SUGCT: variants seen among roughly 807,000 people sequenced by gnomAD.
SUGCT encodes the protein succinyl-CoA:glutarate CoA-transferase.
Under a neutral mutation model 55.0 loss-of-function variants are expected in SUGCT, and 41 were observed. The ratio of observed to expected loss-of-function variants is 0.74; its 90% CI spans 0.58 to 0.97. The LOEUF (loss-of-function observed/expected upper bound fraction) is 0.97, where lower values mean the gene tolerates loss of function less well. SUGCT is among the 50% of genes least tolerant of loss of function. The pLI is 0.00. For missense variants in SUGCT, 568 were observed against 547.8 expected (o/e 1.04, Z -0.37); for synonymous variants, 187 against 200.4 (o/e 0.93, Z 0.56).
chr7:40,707,124 A>G (rs887740793), intron 12 of SUGCT, among the ~76,000 whole-genome samples: 1 of 152,066 alleles, frequency 6.6e-6, no homozygotes, highest in African/African-American at 2.4e-5. Context: ...TCGAATAGTG[A>G]CTCAGATTAC....
Position 40,597,475 on chromosome 7 carries a change from CA to C in SUGCT, c.1089+101090del, listed in dbSNP as rs575216974. Among the ~76,000 whole-genome samples, 75 of 152,264 alleles carry C rather than the reference CA, an allele frequency of 4.9e-4. No individual in the cohort carries two copies. The East Asian group carries it at 0.012, about 24-fold the overall frequency. On this transcript the variant is annotated intron_variant, in intron 12 of 13. Coordinates refer to ENST00000335693, the MANE Select transcript of SUGCT (RefSeq NM_001193313.2). ...TACAAGCTTGAGGTACAAATAAGGT[CA>C]TGTGGTAGTCATCAGTGCTGTTTAC... is the stretch of plus-strand genomic sequence containing the variant.
At chr7:40,152,891 G>A (rs1788653022) in intron 1 of SUGCT, 2 of 154,832 alleles carry the variant, frequency 1.3e-5, no homozygotes, top group African/African-American at 4.8e-5. Flanking sequence ...GTTTTTAGTA[G>A]AGACAGGGTT....
At chr7:40,627,464 C>G (rs1259636414) in intron 12 of SUGCT, among the ~76,000 whole-genome samples, 1 of 152,060 alleles carries the variant, frequency 6.6e-6, no homozygotes, top group Non-Finnish European at 1.5e-5. Context: ...CATTCCTACG[C>G]AAACATCTGA....
chr7:40,665,706 TGAG>T (rs1801593455), intron 12 of SUGCT, among the ~76,000 whole-genome samples: 1 of 151,550 alleles, frequency 6.6e-6, no homozygotes, highest in South Asian at 2.1e-4. Flanking sequence ...TGCAGCAGGT[TGAG>T]GAGTGGGGAT....
chr7:40,158,537 G>A (rs192109869), intron 1 of SUGCT, among the ~76,000 whole-genome samples: 1 of 152,326 alleles, frequency 6.6e-6, no homozygotes, highest in Admixed American at 6.5e-5. Context: ...GATCACCTGA[G>A]GTCAGAAGTT....
At chr7:40,333,481 AT>A (rs1336545235) in intron 9 of SUGCT, among the ~76,000 whole-genome samples, 1 of 150,424 alleles carries the variant, frequency 6.6e-6, no homozygotes, top group Non-Finnish European at 1.5e-5. Context: ...TACTAAAAAT[AT>A]GAAAATTAGC....
chr7:40,620,245 GC>G (rs1413623842), intron 12 of SUGCT, among the ~76,000 whole-genome samples: 1 of 152,118 alleles, frequency 6.6e-6, no homozygotes, highest in Non-Finnish European at 1.5e-5. Flanking sequence ...ACCCCAAAGA[GC>G]CATTTGTTAA....
intron 12 of SUGCT, among the ~76,000 whole-genome samples, chr7:40,567,992 A>G (rs1032464475): frequency 3.9e-5 from 6 of 152,218 alleles, no homozygotes; most frequent in Non-Finnish European, 8.8e-5. Flanking sequence ...GTCATTTTCA[A>G]AAGTCTTCAA....
chr7:40,715,513 T>C (rs1785974783), intron 12 of SUGCT, among the ~76,000 whole-genome samples: 1 of 151,988 alleles, frequency 6.6e-6, no homozygotes, highest in Non-Finnish European at 1.5e-5. Context: ...ACAAAAGAGC[T>C]CAATGTGTCT....
chr7:40,656,995 T>G (rs1801047830), intron 12 of SUGCT, among the ~76,000 whole-genome samples: 1 of 152,212 alleles, frequency 6.6e-6, no homozygotes. Flanking sequence ...GAAGTTTTTG[T>G]TGAGGGAATA....
At chr7:40,327,563 C>T (rs765000683) in intron 9 of SUGCT, among the ~76,000 whole-genome samples, 1 of 152,220 alleles carries the variant, frequency 6.6e-6, no homozygotes, top group Non-Finnish European at 1.5e-5. Flanking sequence ...AGAATTCCCT[C>T]TGACATATAG....
At chr7:40,779,534 A>G (rs1397881670) in intron 13 of SUGCT, among the ~76,000 whole-genome samples, 1 of 152,206 alleles carries the variant, frequency 6.6e-6, no homozygotes, top group Non-Finnish European at 1.5e-5. Context: ...CGTCTTGTAG[A>G]CAGTGGTTGG....
At chr7:40,173,002 A>G (rs1784749170) in intron 1 of SUGCT, among the ~76,000 whole-genome samples, 1 of 152,202 alleles carries the variant, frequency 6.6e-6, no homozygotes, top group Non-Finnish European at 1.5e-5. Flanking sequence ...AGGCCACCAA[A>G]TGTTACGGGT....
chr7:40,437,577 A>T (rs1372821844), intron 9 of SUGCT, among the ~76,000 whole-genome samples: 1 of 152,126 alleles, frequency 6.6e-6, no homozygotes, highest in African/African-American at 2.4e-5. Flanking sequence ...CATAGATGAC[A>T]CTGTTCTTAA....
intron 12 of SUGCT, among the ~76,000 whole-genome samples, chr7:40,707,657 C>T (rs986255722): frequency 6.6e-6 from 1 of 152,218 alleles, no homozygotes; most frequent in Non-Finnish European, 1.5e-5. Context: ...CACCTACAAT[C>T]TTCCAATAAC....
rs1186152626 is a variant in SUGCT, at chr7:40,270,135, CAAA to C, written c.577-4360_577-4358del. Among the ~76,000 whole-genome samples, 7 of 66,666 alleles carry C rather than the reference CAAA, an allele frequency of 1.1e-4. No homozygotes were observed. The South Asian group carries it at 1.6e-3, about 15-fold the overall frequency. The allele number at this position is 66,666 out of a possible 152,430, so 43.7% of individuals were successfully genotyped here. On this transcript the variant is annotated intron_variant, in intron 7 of 13. Transcript: ENST00000335693. ...TGGGTGATGGAGCAAGACCCTTTCTCAAAAAAAAAAAAAAAAAAAAGAAATTCT... is the reference window on the plus strand; with the variant it reads ...TGGGTGATGGAGCAAGACCCTTTCTCAAAAAAAAAAAAAAAAAGAAATTCT...
At chr7:40,573,983 A>G (rs1796586976) in intron 12 of SUGCT, among the ~76,000 whole-genome samples, 1 of 152,142 alleles carries the variant, frequency 6.6e-6, no homozygotes, top group African/African-American at 2.4e-5. Context: ...TTTCATGGCA[A>G]ATTGATGAAA....
intron 13 of SUGCT, among the ~76,000 whole-genome samples, chr7:40,758,115 CT>C (rs1248607506): frequency 5.3e-5 from 8 of 151,816 alleles, no homozygotes; most frequent in Non-Finnish European, 7.4e-5. Flanking sequence ...CTCCAAGTGG[CT>C]TCAGCTAGGA....
chr7:40,817,719 A>T (rs1791751316), intron 13 of SUGCT, among the ~76,000 whole-genome samples: 1 of 152,164 alleles, frequency 6.6e-6, no homozygotes, highest in Non-Finnish European at 1.5e-5. Flanking sequence ...ATATAGACTG[A>T]ACAAAAGTAG....
Sources: gnomAD v4.1 joint callset for allele counts (sites outside exome capture counted in the v4.1 genomes callset) on GRCh38, gnomAD v4.1.1 for gene constraint, MANE v1.5 for transcripts, NCBI Gene and HGNC (gene_info 2026-07-23, HGNC 2026-07-21) for gene names.